Variants in HRC observed in about 807,000 individuals in gnomAD.
The protein encoded by HRC is sarcoplasmic reticulum histidine-rich calcium-binding protein.
A neutral mutation model predicts 61.4 loss-of-function variants in HRC; 41 were observed. That is an observed-to-expected ratio of 0.67 (90% CI 0.52 to 0.87). The LOEUF (loss-of-function observed/expected upper bound fraction) is 0.87, where lower values mean the gene tolerates loss of function less well. Among genes scored for constraint, HRC ranks in the 40% least tolerant of loss-of-function variants. The pLI, the probability that HRC is intolerant of heterozygous loss-of-function variation, is 0.00. For missense variants in HRC, 839 were observed against 885.8 expected (o/e 0.95, Z 0.67); for synonymous variants, 308 against 326.6 (o/e 0.94, Z 0.62).
Position 49,154,632 on chromosome 19 carries a change from T to TTCCTCC in HRC, c.600_605dup (p.Glu203_Glu204dup), listed in dbSNP as rs57199624. The TTCCTCC allele has an allele frequency of 7.3e-4, 1,158 of 1,579,402 alleles. 5 individuals are homozygous for TTCCTCC. In the African/African-American group the frequency reaches 0.012, roughly 16 times the overall value. ...GTCCATACTCAGTGGAGGCCTCCTC[T>TTCCTCC]TCCTCCTCCTCCTCCTCCTCCTCCT... On this transcript the variant is annotated inframe_insertion, in exon 1 of 6. Coordinates refer to ENST00000252825, the MANE Select transcript of HRC (RefSeq NM_002152.3).
intron 3 of HRC, 58 bp from the exon 4 acceptor site, chr19:49,152,116 G>A (rs1340939174): frequency 2.7e-6 from 4 of 1,504,204 alleles, no homozygotes; most frequent in Non-Finnish European, 3.7e-6. Flanking sequence ...GGCGGAGTTA[G>A]GATGGGGCCG....
Position 49,154,487 on chromosome 19 carries a change from C to A in HRC, c.751G>T (p.Asp251Tyr), listed in dbSNP as rs146243739. The change falls in exon 1 of 6, where the codon GAT becomes TAT. Residue 251 changes from aspartate to tyrosine, a missense_variant. By Grantham distance (160) the Asp-to-Tyr change is radical. Transcript: ENST00000252825. Reference sequence around the variant, plus strand: ...TCATCATCATCATCATCATCATCATCATCATCATCGTCATCTTCTTCATGG... The same window carrying A: ...TCATCATCATCATCATCATCATCATAATCATCATCGTCATCTTCTTCATGG... ...QGHEEDDDDD[D>Y]DDDDDDDDDD... 1 of 1,587,700 alleles carries A rather than the reference C, an allele frequency of 6.3e-7. No individual in the cohort carries two copies. The highest frequency in any genetic ancestry group is 1.4e-5 in the African/African-American group (1 of 73,054).
Position 49,153,231 on chromosome 19 carries a change from T to G in HRC, c.1902+30A>C, listed in dbSNP as rs756661988. On this transcript the variant is annotated intron_variant, in intron 2 of 5. Coordinates refer to ENST00000252825, the MANE Select transcript of HRC (RefSeq NM_002152.3). This position sits in a 1 kb window ranked among gnomAD's most constrained non-coding sequence, Gnocchi z 4.8. ...CCCTGGGACAGATTCTGGGGACACC[T>G]TGGTGGGTGGATCTGGGCTGGGGAC... 6.3e-7 allele frequency: 1 copy of G among 1,580,948 alleles called. No homozygotes were observed. Among genetic ancestry groups the G allele is most frequent in the Non-Finnish European group, 8.7e-7 (1 of 1,150,308 alleles).
chr19:49,151,942 G>A, intron 4 of HRC, 62 bp downstream of exon 4: 1 of 1,520,686 alleles, frequency 6.6e-7, no homozygotes, highest in Admixed American at 1.7e-5. Context: ...GCCCCCACCA[G>A]GATTCACCAC....
chr19:49,152,879 G>C (rs2041375528), intron 2 of HRC, among the ~76,000 whole-genome samples: 2 of 152,036 alleles, frequency 1.3e-5, no homozygotes, highest in Non-Finnish European at 2.9e-5. Flanking sequence ...CCCTGCCCCT[G>C]GTTTTCTATC....
chr19:49,152,418 GC>G, intron 2 of HRC, 40 bp from the exon 3 acceptor site: 6 of 1,569,560 alleles, frequency 3.8e-6, no homozygotes, highest in Non-Finnish European at 5.2e-6. Context: ...AAACTCTAAC[GC>G]CACTTGGGAG....
At position 49,154,884 on chromosome 19, in the gene HRC, G is replaced by C. The variant is rs1176094142; in HGVS notation, c.354C>G (p.Val118=). 1 of 1,614,190 alleles carries C rather than the reference G, an allele frequency of 6.2e-7. No homozygotes were observed. The highest frequency in any genetic ancestry group is 8.5e-7 in the Non-Finnish European group (1 of 1,180,034). Residue 118 remains valine (V), a synonymous_variant, in exon 1 of 6, where the codon GTC becomes GTG. Coordinates refer to ENST00000252825, the MANE Select transcript of HRC (RefSeq NM_002152.3). ...GCTCTGCAAAGACCTCCTCACCTGA[G>C]ACACCCTCATCTCCGACTTTGTGGT... The part of the protein sequence containing the change: ...SQDHKVGDEG[V]SGEEVFAEHG...
Position 49,154,627 on chromosome 19 carries a change from T to C in HRC, c.611A>G (p.Glu204Gly). The stretch of plus-strand genomic sequence containing the variant: ...CTGGTGTCCATACTCAGTGGAGGCC[T>C]CCTCTTCCTCCTCCTCCTCCTCCTC... ...EEEEEEEEEE[E>G]ASTEYGHQAH... The change falls in exon 1 of 6, where the codon GAG (glutamate) becomes GGG (glycine). Residue 204 changes from glutamate to glycine, a missense_variant. Transcript: ENST00000252825. 2 of 1,595,320 alleles carry C rather than the reference T, an allele frequency of 1.3e-6. No individual in the cohort carries two copies. Among genetic ancestry groups the C allele is most frequent in the Non-Finnish European group, 1.7e-6 (2 of 1,167,994 alleles).
Position 49,155,384 on chromosome 19 carries a change from G to T in HRC, c.-147C>A. ...CTCTGTCCACCTTCCTCTGGTCCTT[G>T]CTGCCTGGCTCTGGACACCCCTCTG... On this transcript the variant is annotated 5_prime_UTR_variant, in exon 1 of 6. Transcript: ENST00000252825. This position sits in a 1 kb window ranked among gnomAD's most constrained non-coding sequence, Gnocchi z 4.7. 1 of 1,212,050 alleles carries T rather than the reference G, an allele frequency of 8.3e-7. No homozygotes were observed. Among genetic ancestry groups the T allele is most frequent in the Non-Finnish European group, 1.1e-6 (1 of 899,456 alleles). The allele number at this position is 1,212,050 out of a possible 1,614,324, so 75.1% of individuals were successfully genotyped here.
rs193004170 is a variant in HRC at position 49,155,380 on chromosome 19, C to T, written c.-143G>A. On this transcript the variant is annotated 5_prime_UTR_variant, in exon 1 of 6. Transcript: ENST00000252825. The surrounding 1 kb of genome is among the most constrained non-coding windows in gnomAD (Gnocchi z 4.7). ...CGGTCTCTGTCCACCTTCCTCTGGT[C>T]CTTGCTGCCTGGCTCTGGACACCCC... 485 of 1,234,942 alleles carry T rather than the reference C, an allele frequency of 3.9e-4. 1 individual carries two copies. The East Asian group carries it at 0.011, about 28-fold the overall frequency. 76.5% of individuals were successfully genotyped at this position (1,234,942 alleles called of 1,614,324 possible).
chr19:49,151,968 T>C (rs1456412115), intron 4 of HRC, 36 bp downstream of exon 4: 4 of 1,606,352 alleles, frequency 2.5e-6, no homozygotes, highest in Non-Finnish European at 3.4e-6. Flanking sequence ...GCCCGGCACC[T>C]TCCTCAGGTT....
In HRC at chr19:49,153,118, T is replaced by C; in HGVS notation, c.1902+143A>G. On this transcript the variant is annotated intron_variant, in intron 2 of 5. Transcript: ENST00000252825. This position sits in a 1 kb window ranked among gnomAD's most constrained non-coding sequence, Gnocchi z 4.8. ...TCCCAGCCTTCAGTCTGTCCTCACC[T>C]CACATGCCTGCAGAAGGATCTCTTT... is the stretch of plus-strand genomic sequence containing the variant. The C allele has an allele frequency of 1.4e-6, 1 of 692,188 alleles. No individual in the cohort carries two copies. 42.9% of individuals were successfully genotyped at this position (692,188 alleles called of 1,614,324 possible). A position where few individuals can be genotyped will look rare whatever the true frequency, so the allele number is the denominator to read the frequency against.
In HRC at chr19:49,153,257, A is replaced by G. The variant is rs1441060049; in HGVS notation, c.1902+4T>C. On this transcript the variant is annotated splice_donor_region_variant and intron_variant, in intron 2 of 5. Transcript: ENST00000252825. This position sits in a 1 kb window ranked among gnomAD's most constrained non-coding sequence, Gnocchi z 4.8. Reference sequence around the variant, plus strand: ...TGGTGGGTGGATCTGGGCTGGGGACATACATTGCAGAAGGAGCAGTAGCCA... The same window carrying G: ...TGGTGGGTGGATCTGGGCTGGGGACGTACATTGCAGAAGGAGCAGTAGCCA... The G allele has an allele frequency of 6.2e-7, 1 of 1,610,690 alleles. No homozygotes were observed. The highest frequency in any genetic ancestry group is 1.1e-5 in the South Asian group (1 of 90,978).
chr19:49,151,423 G>A (rs984294158), intron 5 of HRC, 91 bp from the exon 6 acceptor site: 7 of 1,566,400 alleles, frequency 4.5e-6, no homozygotes, highest in African/African-American at 1.4e-5. Context: ...TTTCATGGAC[G>A]GGGAAATGGA....
rs1568444285 is a variant in HRC, at chr19:49,151,525, G to A, written c.2055C>T (p.Ser685=). Residue 685 remains serine (S), a synonymous_variant, in exon 5 of 6, where the codon TCC becomes TCT. Transcript: ENST00000252825. ...PGSYVDYFSS[S]LYQALADMLE... ...CCCTTTTACACACTTACTGATAAAG[G>A]GACGAGGAGAAATAGTCAACGTAGC... is the stretch of plus-strand genomic sequence containing the variant. The A allele has an allele frequency of 6.2e-7, 1 of 1,613,978 alleles. No individual in the cohort carries two copies. The highest frequency in any genetic ancestry group is 8.5e-7 in the Non-Finnish European group (1 of 1,180,010).
rs994593446 is a variant in HRC at position 49,152,173 on chromosome 19, A to G, written c.1972-115T>C. The G allele has an allele frequency of 8.6e-6, 11 of 1,285,452 alleles. No individual in the cohort carries two copies. In the Admixed American group the frequency reaches 1.7e-4, roughly 20 times the overall value. The allele number at this position is 1,285,452 out of a possible 1,614,324, so 79.6% of individuals were successfully genotyped here. ...CTAGGTCTAGGTTAAGGTTGGAGTC[A>G]GGATCGCTTGTGGAGTCAAGGTTGC... On this transcript the variant is annotated intron_variant, in intron 3 of 5. Transcript: ENST00000252825.
At position 49,151,340 on chromosome 19, in the gene HRC, C is replaced by T. The variant is rs2041355847; in HGVS notation, c.2064-8G>A. The stretch of plus-strand genomic sequence containing the variant: ...AGCATGTCTGCCAGGGCCCTGGAGA[C>T]GAGAACGCCAGAAGTTAGACAGCTG... On this transcript the variant is annotated splice_region_variant and splice_polypyrimidine_tract_variant and intron_variant, in intron 5 of 5. Coordinates refer to ENST00000252825, the MANE Select transcript of HRC (RefSeq NM_002152.3). 4.5e-6 allele frequency: 7 copies of T among 1,556,124 alleles called. No individual in the cohort carries two copies. Among genetic ancestry groups the T allele is most frequent in the South Asian group, 1.2e-5 (1 of 84,870 alleles).
chr19:49,152,701 C>T (rs930280976), intron 2 of HRC, among the ~76,000 whole-genome samples: 1 of 152,112 alleles, frequency 6.6e-6, no homozygotes, highest in Non-Finnish European at 1.5e-5. Context: ...TCCTGAGTAG[C>T]TGGGATTACA....
rs1195851659 is a variant in HRC at position 49,153,614 on chromosome 19, C to T, written c.1624G>A (p.Glu542Lys). 1.3e-6 allele frequency: 2 copies of T among 1,550,298 alleles called. No homozygotes were observed. Among genetic ancestry groups the T allele is most frequent in the African/African-American group, 2.7e-5 (2 of 73,694 alleles). The change falls in exon 1 of 6, where the codon GAG becomes AAG. Residue 542 changes from glutamate to lysine, a missense_variant. Transcript: ENST00000252825. The surrounding 1 kb of genome is among the most constrained non-coding windows in gnomAD (Gnocchi z 4.8). ...TCCTCGTCTTCTTCCTCCTCCTCCT[C>T]CTCCTTGTCTTCCTCTTCTTCCTCC... ...QEEEEEEDKEEEEEEEDEERR... is the reference protein window; with the variant it reads ...QEEEEEEDKEKEEEEEDEERR...
Sources: gnomAD v4.1 joint callset for allele counts (sites outside exome capture counted in the v4.1 genomes callset) on GRCh38, gnomAD v4.1.1 for gene constraint, Gnocchi (gnomAD v3.1) non-coding constraint, MANE v1.5 for transcripts, NCBI Gene and HGNC (gene_info 2026-07-23, HGNC 2026-07-21) for gene names.